Variants in ZNF385B observed in about 807,000 individuals in gnomAD.
ZNF385B encodes zinc finger protein 385B.
ZNF385B carries 23 observed loss-of-function variants against 39.2 expected under a neutral mutation model. That is an observed-to-expected ratio of 0.59 (90% CI 0.42 to 0.83). The LOEUF (loss-of-function observed/expected upper bound fraction) is 0.83, where lower values mean the gene tolerates loss of function less well. ZNF385B is among the 40% of genes least tolerant of loss of function. The probability of loss-of-function intolerance (pLI) is 0.00; values close to 1 mark genes in which losing one functional copy is unlikely to be tolerated. For synonymous variants in ZNF385B, 205 were observed against 222.6 expected (o/e 0.92, Z 0.70); for missense variants, 552 against 598.9 (o/e 0.92, Z 0.82).
chr2:179,720,472 G>A (rs1700616324), intron 3 of ZNF385B, among the ~76,000 whole-genome samples: 1 of 122,148 alleles, frequency 8.2e-6, no homozygotes, highest in South Asian at 3.6e-4. Context: ...GAGGAAAGGA[G>A]AGCAGGGATG....
chr2:179,616,315 T>TA (rs1689731150), intron 3 of ZNF385B, among the ~76,000 whole-genome samples: 1 of 152,168 alleles, frequency 6.6e-6, no homozygotes. Context: ...TTTATGACAG[T>TA]ATGTTTTATA....
intron 3 of ZNF385B, among the ~76,000 whole-genome samples, chr2:179,725,619 A>G (rs912946502): frequency 2.6e-5 from 4 of 151,244 alleles, no homozygotes; most frequent in Non-Finnish European, 5.9e-5. Flanking sequence ...TAGCTTTGTC[A>G]GTTTCACACT....
At chr2:179,778,873 C>T (rs889327659) in intron 1 of ZNF385B, among the ~76,000 whole-genome samples, 1 of 152,096 alleles carries the variant, frequency 6.6e-6, no homozygotes, top group South Asian at 2.1e-4. Flanking sequence ...AAAAGGTGAA[C>T]CACAAACATT....
intron 9 of ZNF385B, 123 bp from the exon 10 acceptor site, chr2:179,443,591 C>T (rs1041305910): frequency 2.7e-5 from 21 of 765,112 alleles, no homozygotes; most frequent in Non-Finnish European, 3.9e-5. Flanking sequence ...AATCTTCACT[C>T]TCAGAAGTCA....
In ZNF385B at chr2:179,696,552, G is replaced by T. The variant is rs142130891; in HGVS notation, c.298+72951C>A. Among the ~76,000 whole-genome samples, 20 of 151,976 alleles carry T rather than the reference G, an allele frequency of 1.3e-4. No individual in the cohort carries two copies. In the East Asian group the frequency reaches 1.5e-3, roughly 12 times the overall value. On this transcript the variant is annotated intron_variant, in intron 3 of 9. Transcript: ENST00000410066. ...CTAGGAAAATGTCTTCAAATAAGAA[G>T]AAATAATTTGTAGTCACTTAGTGAT...
intron 3 of ZNF385B, among the ~76,000 whole-genome samples, chr2:179,607,160 TG>T (rs1200642103): frequency 6.6e-6 from 1 of 152,146 alleles, no homozygotes; most frequent in Non-Finnish European, 1.5e-5. Context: ...AGAATGGGCC[TG>T]AGTATTCGAG....
At chr2:179,486,938 C>CA (rs1330702633) in intron 5 of ZNF385B, among the ~76,000 whole-genome samples, 2 of 151,762 alleles carry the variant, frequency 1.3e-5, no homozygotes, top group Admixed American at 6.6e-5. Context: ...AAACAAAAAA[C>CA]AAAAAAAAGT....
At chr2:179,699,357 G>A (rs1372401054) in intron 3 of ZNF385B, among the ~76,000 whole-genome samples, 4 of 152,002 alleles carry the variant, frequency 2.6e-5, no homozygotes, top group East Asian at 1.9e-4. Flanking sequence ...TAACACTCAA[G>A]CAGAAATCCT....
chr2:179,622,745 AT>A, intron 3 of ZNF385B, among the ~76,000 whole-genome samples: 1 of 152,280 alleles, frequency 6.6e-6, no homozygotes, highest in South Asian at 2.1e-4. Flanking sequence ...TCTGGCATGA[AT>A]TTCTGTAACT....
At chr2:179,475,688 C>T (rs2053340168) in intron 6 of ZNF385B, among the ~76,000 whole-genome samples, 2 of 3,210 alleles carry the variant, frequency 6.2e-4, no homozygotes, top group East Asian at 0.01. Flanking sequence ...AGACTTTACA[C>T]ATGTTTCATT....
chr2:179,614,713 C>T (rs2106144030), intron 3 of ZNF385B, among the ~76,000 whole-genome samples: 1 of 152,282 alleles, frequency 6.6e-6, no homozygotes, highest in Middle Eastern at 3.4e-3. Context: ...GTCAACCCTA[C>T]TCTTAAAAGC....
chr2:179,758,893 T>C (rs1034823485), intron 3 of ZNF385B, among the ~76,000 whole-genome samples: 5 of 152,178 alleles, frequency 3.3e-5, no homozygotes, highest in African/African-American at 1.2e-4. Flanking sequence ...ACCCACAGAA[T>C]CATAATTAAA....
chr2:179,482,932 A>G (rs2054155169), intron 6 of ZNF385B, among the ~76,000 whole-genome samples: 1 of 152,060 alleles, frequency 6.6e-6, no homozygotes, highest in South Asian at 2.1e-4. Flanking sequence ...AAATAGAAAG[A>G]AGTAATAAGC....
chr2:179,528,653 G>C (rs2059073599), intron 4 of ZNF385B, among the ~76,000 whole-genome samples: 1 of 152,156 alleles, frequency 6.6e-6, no homozygotes, highest in Admixed American at 6.6e-5. Flanking sequence ...GCTTTCGACA[G>C]ATAACTTTTA....
At chr2:179,692,457 C>T (rs1032854545) in intron 3 of ZNF385B, among the ~76,000 whole-genome samples, 21 of 152,256 alleles carry the variant, frequency 1.4e-4, no homozygotes, top group African/African-American at 2.2e-4. Context: ...TCCAAATCCC[C>T]GTTTCCCTCA....
intron 3 of ZNF385B, among the ~76,000 whole-genome samples, chr2:179,548,830 G>C (rs1274543806): frequency 6.7e-6 from 1 of 149,096 alleles, no homozygotes; most frequent in South Asian, 2.2e-4. Context: ...TGACATGTGG[G>C]GATTGTGGGA....
intron 3 of ZNF385B, among the ~76,000 whole-genome samples, chr2:179,574,442 C>G (rs2106008111): frequency 6.6e-6 from 1 of 152,290 alleles, no homozygotes; most frequent in African/African-American, 2.4e-5. Flanking sequence ...CCCTGTTTGG[C>G]TCTGAGCAAG....
chr2:179,607,773 G>C (rs1421836009), intron 3 of ZNF385B, among the ~76,000 whole-genome samples: 2 of 152,124 alleles, frequency 1.3e-5, no homozygotes, highest in Middle Eastern at 3.2e-3. Context: ...GAATTACCTT[G>C]TCTGGCAGAG....
intron 6 of ZNF385B, 44 bp from the exon 7 acceptor site, chr2:179,446,814 T>C (rs771546457): frequency 5.2e-6 from 8 of 1,540,750 alleles, no homozygotes; most frequent in East Asian, 2.3e-5. Context: ...TCATATATCA[T>C]ATAAACAAAG....
Sources: gnomAD v4.1 joint callset for allele counts (sites outside exome capture counted in the v4.1 genomes callset) on GRCh38, gnomAD v4.1.1 for gene constraint, MANE v1.5 for transcripts, NCBI Gene and HGNC (gene_info 2026-07-23, HGNC 2026-07-21) for gene names.